CACNA1D: variants seen among roughly 807,000 people sequenced by gnomAD.
CACNA1D encodes calcium voltage-gated channel subunit alpha1 D.
In CACNA1D, 55 loss-of-function variants were observed where a neutral mutation model predicts 257.1. The observed-to-expected ratio is 0.21, with a 90% confidence interval of 0.17 to 0.27. CACNA1D has a LOEUF of 0.27. Among genes scored for constraint, CACNA1D ranks in the 10% least tolerant of loss-of-function variants. CACNA1D has a pLI of 1.00. For missense variants in CACNA1D, 1,876 were observed against 2,784.0 expected, an observed-to-expected ratio of 0.67 and a Z score of 7.34; for synonymous variants, 980 against 1,014.9, an observed-to-expected ratio of 0.97 and a Z score of 0.65.
chr3:53,520,296 A>G (rs529954474), intron 3 of CACNA1D, among the ~76,000 whole-genome samples: 29 of 152,320 alleles, frequency 1.9e-4, no homozygotes, highest in African/African-American at 6.5e-4. Context: ...CGTCTTTGCT[A>G]ACACTTGTTA....
At chr3:53,646,986 TATTA>T (rs1209334078) in intron 3 of CACNA1D, among the ~76,000 whole-genome samples, 3 of 152,224 alleles carry the variant, frequency 2.0e-5, no homozygotes, top group Admixed American at 6.5e-5. Flanking sequence ...GTTTGGAGAT[TATTA>T]ACTAGTTTAG....
intron 3 of CACNA1D, among the ~76,000 whole-genome samples, chr3:53,546,828 T>C (rs2092423396): frequency 6.6e-6 from 1 of 152,242 alleles, no homozygotes; most frequent in Non-Finnish European, 1.5e-5. Flanking sequence ...TCAGTGTTTT[T>C]ACTTTTACCA....
chr3:53,708,494 G>A (rs2094715864), intron 9 of CACNA1D, among the ~76,000 whole-genome samples: 1 of 152,192 alleles, frequency 6.6e-6, no homozygotes, highest in Non-Finnish European at 1.5e-5. Context: ...GTAGTTGTCT[G>A]GACAGGCAGA....
At position 53,744,535 on chromosome 3, in the gene CACNA1D, G is replaced by A. The variant is rs563764877; in HGVS notation, c.2919-205G>A. 1.8e-4 allele frequency among the ~76,000 whole-genome samples: 27 copies of A among 152,346 alleles called. No individual in the cohort carries two copies. The South Asian group carries it at 5.6e-3, about 32-fold the overall frequency. On this transcript the variant is annotated intron_variant, in intron 22 of 47. Coordinates refer to ENST00000350061, the MANE Select transcript of CACNA1D (RefSeq NM_001128840.3). ...ACCTGTCAGCCTCTGTGAGTGCCAT[G>A]GGCTGGGCTTGGGAGGTGCTGCCTC...
chr3:53,724,018 C>T lies in CACNA1D; in HGVS notation c.2100+19C>T, dbSNP rs768882962. On this transcript the variant is annotated intron_variant, in intron 14 of 47. Coordinates refer to ENST00000350061, the MANE Select transcript of CACNA1D (RefSeq NM_001128840.3). ...GTTCCAGGTGAGTCCTCCCTCCATT[C>T]CCCGAAAAGCACTTCGTGAGCAGCA... 1 of 1,595,530 alleles carries T rather than the reference C, an allele frequency of 6.3e-7. No individual in the cohort carries two copies. Among genetic ancestry groups the T allele is most frequent in the South Asian group, 1.1e-5 (1 of 90,674 alleles).
chr3:53,691,796 TAC>T (rs1483078063), intron 8 of CACNA1D, among the ~76,000 whole-genome samples: 2 of 69,802 alleles, frequency 2.9e-5, no homozygotes, highest in Non-Finnish European at 5.6e-5. Context: ...ATATATATAT[TAC>T]ATATATAATA....
chr3:53,759,093 A>G (rs2095284601), intron 29 of CACNA1D, among the ~76,000 whole-genome samples: 1 of 152,176 alleles, frequency 6.6e-6, no homozygotes, highest in South Asian at 2.1e-4. Context: ...TTCCTAGATT[A>G]AGGGTGTCAA....
Position 53,749,441 on chromosome 3 carries a change from A to G in CACNA1D, c.3488A>G (p.Tyr1163Cys). ...TTTCAGGAACAAGGAGAAAAAGAGTATAAGAACTGTGAGCTGGACAAAAAT... is the reference window on the plus strand; with the variant it reads ...TTTCAGGAACAAGGAGAAAAAGAGTGTAAGAACTGTGAGCTGGACAAAAAT... ...VTFQEQGEKEYKNCELDKNQR... is the reference protein window; with the variant it reads ...VTFQEQGEKECKNCELDKNQR... Residue 1163 changes from tyrosine (Y) to cysteine (C), a missense_variant, in exon 27 of 48, where the codon TAT (tyrosine) becomes TGT (cysteine). Transcript: ENST00000350061. The G allele has an allele frequency of 6.2e-7, 1 of 1,613,870 alleles. No homozygotes were observed. Among genetic ancestry groups the G allele is most frequent in the South Asian group, 1.1e-5 (1 of 91,086 alleles).
chr3:53,679,594 A>C (rs532468697), intron 8 of CACNA1D: 4 of 152,218 alleles, frequency 2.6e-5, no homozygotes, highest in Non-Finnish European at 5.9e-5. Flanking sequence ...TCCAGTCTAA[A>C]AGGGACAGGG....
chr3:53,538,554 A>G (rs916477059), intron 3 of CACNA1D, among the ~76,000 whole-genome samples: 19 of 152,322 alleles, frequency 1.2e-4, no homozygotes, highest in African/African-American at 4.6e-4. Context: ...ATATTTTAGC[A>G]TATTTACTGT....
intron 3 of CACNA1D, among the ~76,000 whole-genome samples, chr3:53,515,525 AG>A (rs1306985448): frequency 6.6e-6 from 1 of 152,148 alleles, no homozygotes; most frequent in Non-Finnish European, 1.5e-5. Context: ...GGTGTGGGGC[AG>A]TTGAATGACT....
chr3:53,708,461 T>A (rs983703159), intron 9 of CACNA1D, among the ~76,000 whole-genome samples: 1 of 152,150 alleles, frequency 6.6e-6, no homozygotes, highest in African/African-American at 2.4e-5. Context: ...CTGGACACTG[T>A]CTCCATTGGG....
At chr3:53,728,232 G>T (rs1436131296) in intron 15 of CACNA1D, among the ~76,000 whole-genome samples, 1 of 152,136 alleles carries the variant, frequency 6.6e-6, no homozygotes, top group Admixed American at 6.5e-5. Flanking sequence ...TCCGCCTCCT[G>T]GGTTCAAGTG....
intron 10 of CACNA1D, 193 bp downstream of exon 10, chr3:53,718,581 C>A (rs1277096033): frequency 3.0e-6 from 2 of 658,848 alleles, no homozygotes; most frequent in Admixed American, 2.1e-5. Flanking sequence ...CCCCACCCCC[C>A]GCCCCCCCGC....
chr3:53,778,352 C>T (rs895068422), intron 37 of CACNA1D, among the ~76,000 whole-genome samples: 1 of 152,164 alleles, frequency 6.6e-6, no homozygotes. Context: ...ATCCATTTTG[C>T]TGACTCAGGA....
Position 53,774,649 on chromosome 3 carries a change from G to A in CACNA1D, c.4173G>A (p.Thr1391=), listed in dbSNP as rs762448017. The part of the protein sequence containing the change: ...NQINRNNNFQ[T]FPQAVLLLFR... ...TCAATAGGAACAATAACTTCCAGAC[G>A]TTTCCCCAGGCGGTGCTGCTGCTCT... The change falls in exon 34 of 48, where the codon ACG becomes ACA. Residue 1391 remains threonine, a synonymous_variant. Coordinates refer to ENST00000350061, the MANE Select transcript of CACNA1D (RefSeq NM_001128840.3). The surrounding 1 kb of genome is among the most constrained non-coding windows in gnomAD (Gnocchi z 4.3). 1.3e-5 allele frequency: 21 copies of A among 1,612,666 alleles called. No individual in the cohort carries two copies. Among genetic ancestry groups the A allele is most frequent in the East Asian group, 2.2e-5 (1 of 44,892 alleles).
intron 3 of CACNA1D, among the ~76,000 whole-genome samples, chr3:53,562,574 A>G (rs756852324): frequency 1.3e-5 from 2 of 152,130 alleles, no homozygotes; most frequent in African/African-American, 2.4e-5. Flanking sequence ...TAAGTGTACA[A>G]TTTGGTGATT....
intron 19 of CACNA1D, 89 bp downstream of exon 19, chr3:53,733,051 A>G (rs1576493516): frequency 1.5e-6 from 2 of 1,363,468 alleles, no homozygotes; most frequent in Non-Finnish European, 1.0e-6. Flanking sequence ...GGGTGAGGGG[A>G]AGTGGTTCAC....
At chr3:53,616,535 T>C (rs2093638701) in intron 3 of CACNA1D, among the ~76,000 whole-genome samples, 1 of 152,204 alleles carries the variant, frequency 6.6e-6, no homozygotes, top group Non-Finnish European at 1.5e-5. Flanking sequence ...AGGAGACAAC[T>C]CTTCTGCTTT....
Sources: gnomAD v4.1 joint callset for allele counts (sites outside exome capture counted in the v4.1 genomes callset) on GRCh38, gnomAD v4.1.1 for gene constraint, Gnocchi (gnomAD v3.1) non-coding constraint, MANE v1.5 for transcripts, NCBI Gene and HGNC (gene_info 2026-07-23, HGNC 2026-07-21) for gene names.